MAPK9: variants seen among roughly 807,000 people sequenced by gnomAD.
The protein encoded by MAPK9 is mitogen-activated protein kinase 9.
MAPK9 carries 30 observed loss-of-function variants against 57.1 expected under a neutral mutation model. The ratio of observed to expected loss-of-function variants is 0.53; its 90% confidence interval spans 0.39 to 0.71. The LOEUF is 0.71. Among genes scored for constraint, MAPK9 ranks in the 30% least tolerant of loss-of-function variants. The probability of loss-of-function intolerance (pLI) is 0.00; values close to 1 mark genes in which losing one functional copy is unlikely to be tolerated. For missense variants in MAPK9, 362 were observed against 521.0 expected (o/e 0.69, Z 2.97); for synonymous variants, 155 against 177.0 (o/e 0.88, Z 0.99).
intron 6 of MAPK9, 47 bp downstream of exon 6, chr5:180,248,926 A>G (rs1365025544): frequency 1.3e-6 from 2 of 1,549,738 alleles, no homozygotes; most frequent in African/African-American, 1.4e-5. Flanking sequence ...CCACCGCTAG[A>G]GCAATTTCTA....
chr5:180,268,508 T>C (rs550558486), intron 3 of MAPK9, among the ~76,000 whole-genome samples: 16 of 152,388 alleles, frequency 1.0e-4, no homozygotes, highest in Non-Finnish European at 2.1e-4. Context: ...TGCCTCTTTC[T>C]AGCTTTGATT....
intron 1 of MAPK9, among the ~76,000 whole-genome samples, chr5:180,282,385 T>C (rs1003724232): frequency 1.3e-5 from 2 of 152,164 alleles, no homozygotes; most frequent in African/African-American, 4.8e-5. Context: ...TACTTCACTA[T>C]TTGGGGGAGA....
At chr5:180,262,172 G>A (rs1297023321) in intron 4 of MAPK9, among the ~76,000 whole-genome samples, 1 of 152,134 alleles carries the variant, frequency 6.6e-6, no homozygotes, top group African/African-American at 2.4e-5. Context: ...TCTGGTGGGA[G>A]ATGCTGAGAA....
At chr5:180,262,200 G>A (rs1428827135) in intron 4 of MAPK9, among the ~76,000 whole-genome samples, 1 of 152,092 alleles carries the variant, frequency 6.6e-6, no homozygotes, top group Admixed American at 6.5e-5. Context: ...GGCTCTGCAC[G>A]TAAGGGGCTG....
At chr5:180,279,378 G>A (rs555797063) in intron 2 of MAPK9, among the ~76,000 whole-genome samples, 5 of 152,112 alleles carry the variant, frequency 3.3e-5, no homozygotes, top group African/African-American at 9.7e-5. Flanking sequence ...TCCCTTTCCC[G>A]CCTTAGCTTC....
At chr5:180,266,049 T>C (rs1366081067) in intron 3 of MAPK9, among the ~76,000 whole-genome samples, 4 of 142,874 alleles carry the variant, frequency 2.8e-5, no homozygotes, top group African/African-American at 1.0e-4. Flanking sequence ...ACAACATAAA[T>C]AATGTCAAAT....
At chr5:180,283,774 A>G (rs976360756) in intron 1 of MAPK9, among the ~76,000 whole-genome samples, 8 of 152,128 alleles carry the variant, frequency 5.3e-5, no homozygotes, top group Non-Finnish European at 8.8e-5. Flanking sequence ...CATCTCTACT[A>G]AAAATACAAA....
chr5:180,267,737 C>T (rs920250920), intron 3 of MAPK9, among the ~76,000 whole-genome samples: 5 of 152,064 alleles, frequency 3.3e-5, no homozygotes, highest in East Asian at 1.9e-4. Flanking sequence ...TGGTGGCGCA[C>T]GCCTATGGTC....
intron 5 of MAPK9, among the ~76,000 whole-genome samples, chr5:180,253,829 G>C (rs931789213): frequency 6.6e-6 from 1 of 152,178 alleles, no homozygotes; most frequent in Admixed American, 6.5e-5. Context: ...CTTTTCCAGA[G>C]AAATTAAATG....
Position 180,242,733 on chromosome 5 carries a change from A to C in MAPK9, c.711T>G (p.Val237=), listed in dbSNP as rs34195566. Reference sequence around the variant, plus strand: ...CTGATGGTGTTCCCAGCTGCTCAATAACTTTATTCCACTGATCAATATCTA... The same window carrying C: ...CTGATGGTGTTCCCAGCTGCTCAATCACTTTATTCCACTGATCAATATCTA... The part of the protein sequence containing the change: ...GTDHIDQWNK[V]IEQLGTPSAE... Residue 237 remains valine (V), a synonymous_variant, in exon 8 of 12, where the codon GTT becomes GTG. Coordinates refer to ENST00000452135, the MANE Select transcript of MAPK9 (RefSeq NM_002752.5). The C allele has an allele frequency of 6.2e-7, 1 of 1,613,488 alleles. No homozygotes were observed. The highest frequency in any genetic ancestry group is 1.3e-5 in the African/African-American group (1 of 74,894).
chr5:180,252,324 C>A (rs531307010), intron 5 of MAPK9, among the ~76,000 whole-genome samples: 38 of 152,194 alleles, frequency 2.5e-4, no homozygotes, highest in Non-Finnish European at 1.0e-4. Flanking sequence ...CCAGCAACAA[C>A]TGCACCTTGA....
chr5:180,238,337 G>A lies in MAPK9; in HGVS notation c.1127C>T (p.Pro376Leu). ...RSKNGVVKDQ[P>L]SDAAVSSNAT... ...CAATTAAAGCAATCACTAACCTGAAGGCTGATCTTTTACAACACCATTCTT... is the reference window on the plus strand; with the variant it reads ...CAATTAAAGCAATCACTAACCTGAAAGCTGATCTTTTACAACACCATTCTT... Residue 376 changes from proline (P) to leucine (L), a missense_variant, in exon 11 of 12, where the codon CCT becomes CTT. Pro to Leu is a moderately conservative substitution (Grantham distance 98). This residue lies in a region of MAPK9 where 199 missense variants were observed against 251.3 expected (regional missense o/e 0.79). Coordinates refer to ENST00000452135, the MANE Select transcript of MAPK9 (RefSeq NM_002752.5). 6.2e-7 allele frequency: 1 copy of A among 1,610,740 alleles called. No homozygotes were observed. Among genetic ancestry groups the A allele is most frequent in the Non-Finnish European group, 8.5e-7 (1 of 1,177,382 alleles).
At position 180,261,542 on chromosome 5, in the gene MAPK9, A is replaced by G. The variant is rs34870995; in HGVS notation, c.450+142T>C. The stretch of plus-strand genomic sequence containing the variant: ...GGCTCCACAGATGCCTCCTAGAATG[A>G]CTCTCTTAAAACACCATATGATTCC... On this transcript the variant is annotated intron_variant, in intron 5 of 11. Transcript: ENST00000452135. The G allele has an allele frequency of 5.5e-3, 4,592 of 835,204 alleles. 46 individuals carry two copies. Among genetic ancestry groups the G allele is most frequent in the African/African-American group, 0.025 (1,439 of 57,122 alleles). The allele number at this position is 835,204 out of a possible 1,614,324, so 51.7% of individuals were successfully genotyped here.
At chr5:180,249,688 T>C (rs1046132691) in intron 5 of MAPK9, among the ~76,000 whole-genome samples, 1 of 152,252 alleles carries the variant, frequency 6.6e-6, no homozygotes, top group African/African-American at 2.4e-5. Context: ...TTACATTTTC[T>C]ACTAGCCATG....
chr5:180,290,727 C>T (rs939710580), intron 1 of MAPK9, among the ~76,000 whole-genome samples: 3 of 152,230 alleles, frequency 2.0e-5, no homozygotes, highest in Non-Finnish European at 2.9e-5. Context: ...ACACGCTAAT[C>T]AGAAGTCACT....
At chr5:180,288,155 G>A (rs1462791400) in intron 1 of MAPK9, among the ~76,000 whole-genome samples, 1 of 152,178 alleles carries the variant, frequency 6.6e-6, no homozygotes, top group Admixed American at 6.5e-5. Context: ...TAAATCTGAC[G>A]AAGCCTCGTC....
At chr5:180,272,949 C>T (rs769844204) in intron 2 of MAPK9, among the ~76,000 whole-genome samples, 31 of 152,114 alleles carry the variant, frequency 2.0e-4, no homozygotes, top group African/African-American at 4.6e-4. Flanking sequence ...CAGCAGTGCA[C>T]GAGGGGTCAC....
intron 1 of MAPK9, among the ~76,000 whole-genome samples, chr5:180,281,204 G>T (rs1762288020): frequency 6.6e-6 from 1 of 152,218 alleles, no homozygotes; most frequent in Non-Finnish European, 1.5e-5. Context: ...CCCAGAGCTG[G>T]CATCAGCTGG....
chr5:180,267,377 T>C (rs566222773), intron 3 of MAPK9, among the ~76,000 whole-genome samples: 106 of 151,668 alleles, frequency 7.0e-4, no homozygotes, highest in African/African-American at 1.3e-3. Flanking sequence ...CTGGCTAACA[T>C]GGTGAAACCC....
Sources: allele counts gnomAD v4.1 joint callset (sites outside exome capture counted in the v4.1 genomes callset), GRCh38; gene constraint gnomAD v4.1.1; regional missense constraint gnomAD v4.1.1; transcripts MANE v1.5; gene names NCBI Gene and HGNC (gene_info 2026-07-23, HGNC 2026-07-21).